FSHR: variants seen among roughly 807,000 people sequenced by gnomAD.
The protein encoded by FSHR is follicle-stimulating hormone receptor.
A neutral mutation model predicts 52.1 loss-of-function variants in FSHR; 46 were observed. The ratio of observed to expected loss-of-function variants is 0.88; its 90% CI spans 0.70 to 1.13. The LOEUF is 1.13. FSHR is among the 50% of genes most tolerant of loss of function. The pLI is 0.00. For missense variants in FSHR, 964 were observed against 834.6 expected, an observed-to-expected ratio of 1.16 and a Z score of -1.91; for synonymous variants, 399 against 309.6, an observed-to-expected ratio of 1.29 and a Z score of -3.03.
At chr2:49,070,145 G>T (rs1410682761) in intron 1 of FSHR, among the ~76,000 whole-genome samples, 2 of 152,068 alleles carry the variant, frequency 1.3e-5, no homozygotes, top group African/African-American at 4.8e-5. Flanking sequence ...AAACAGTTGA[G>T]GGCTATAGTT....
At chr2:49,123,150 A>C (rs1442490582) in intron 1 of FSHR, among the ~76,000 whole-genome samples, 1 of 152,068 alleles carries the variant, frequency 6.6e-6, no homozygotes, top group Non-Finnish European at 1.5e-5. Flanking sequence ...AGGTCTATAA[A>C]CTCTGTTTTA....
intron 1 of FSHR, among the ~76,000 whole-genome samples, chr2:49,140,894 T>G (rs1441342855): frequency 6.6e-6 from 1 of 152,164 alleles, no homozygotes; most frequent in African/African-American, 2.4e-5. Context: ...TTCCTGAGCC[T>G]CCATTAAGTA....
intron 1 of FSHR, among the ~76,000 whole-genome samples, chr2:49,080,893 C>G (rs927640308): frequency 1.3e-5 from 2 of 152,182 alleles, no homozygotes; most frequent in Non-Finnish European, 2.9e-5. Flanking sequence ...TTCCCCTACT[C>G]TAATTACCTA....
Position 49,088,583 on chromosome 2 carries a change from C to T in FSHR, c.153-20293G>A, listed in dbSNP as rs185912279. ...CTGTAGTTTCAGGCAGAATGACAAA[C>T]GCATTGTGCCTCTAAAGCAGTTCTT... is the stretch of plus-strand genomic sequence containing the variant. On this transcript the variant is annotated intron_variant, in intron 1 of 9. Coordinates refer to ENST00000406846, the MANE Select transcript of FSHR (RefSeq NM_000145.4). 3.5e-3 allele frequency among the ~76,000 whole-genome samples: 526 copies of T among 152,290 alleles called. 1 individual carries two copies. Among genetic ancestry groups the T allele is most frequent in the Non-Finnish European group, 5.8e-3 (395 of 68,030 alleles).
rs115961828 is a variant in FSHR, at chr2:48,997,247, G to T, written c.375-6610C>A. 4,861 of 984,116 alleles carry T rather than the reference G, an allele frequency of 4.9e-3. 16 individuals carry two copies. Among genetic ancestry groups the T allele is most frequent in the South Asian group, 0.01 (220 of 21,224 alleles). 61.0% of individuals were successfully genotyped at this position (984,116 alleles called of 1,614,324 possible). ...AGAAATTATGTGAGACAGTAGGAAA[G>T]CCTGGTTTCTTGCCTTTTCGATCTC... On this transcript the variant is annotated intron_variant, in intron 4 of 9. Transcript: ENST00000406846.
At chr2:48,993,301 C>A (rs1352370441) in intron 4 of FSHR, among the ~76,000 whole-genome samples, 1 of 152,168 alleles carries the variant, frequency 6.6e-6, no homozygotes, top group Non-Finnish European at 1.5e-5. Flanking sequence ...ACTTGTTCCC[C>A]CCATTATCAC....
chr2:49,083,466 A>C (rs1310284448), intron 1 of FSHR, among the ~76,000 whole-genome samples: 3 of 149,816 alleles, frequency 2.0e-5, no homozygotes, highest in Admixed American at 1.3e-4. Context: ...CTAACATCAT[A>C]ATGACAGGAT....
intron 2 of FSHR, among the ~76,000 whole-genome samples, chr2:49,030,271 A>AGTGTGTGTGTGTGTGTGTGTGT (rs141079184): frequency 7.1e-6 from 1 of 140,374 alleles, no homozygotes; most frequent in African/African-American, 2.6e-5. Flanking sequence ...AGGAATAGCA[A>AGTGTGTGTGTGTGTGTGTGTGT]GTGTGTGTGT....
At chr2:49,060,833 G>T (rs973764208) in intron 2 of FSHR, among the ~76,000 whole-genome samples, 1 of 152,052 alleles carries the variant, frequency 6.6e-6, no homozygotes, top group African/African-American at 2.4e-5. Flanking sequence ...GCCCAAACTA[G>T]AGCTGTGCTT....
chr2:49,049,094 A>G (rs1019168134), intron 2 of FSHR, among the ~76,000 whole-genome samples: 1 of 152,034 alleles, frequency 6.6e-6, no homozygotes, highest in African/African-American at 2.4e-5. Context: ...AAATCCCCAG[A>G]GCAGAGCCAC....
In FSHR at chr2:49,154,306, T is replaced by C. The variant is rs1673167692; in HGVS notation, c.112A>G (p.Thr38Ala). Residue 38 changes from threonine to alanine, a missense_variant, in exon 1 of 10, where the codon ACA becomes GCA. Coordinates refer to ENST00000406846, the MANE Select transcript of FSHR (RefSeq NM_000145.4). The stretch of plus-strand genomic sequence containing the variant: ...CTCGGGAGGTCAGAAGGAATCTCTG[T>C]CACCTTGCTCTCTTGGCAGAGAAAA... Reference protein sequence around the residue: ...RVFLCQESKVTEIPSDLPRNA... With the variant: ...RVFLCQESKVAEIPSDLPRNA... 2 of 1,613,938 alleles carry C rather than the reference T, an allele frequency of 1.2e-6. No individual in the cohort carries two copies. Among genetic ancestry groups the C allele is most frequent in the Non-Finnish European group, 8.5e-7 (1 of 1,179,908 alleles).
chr2:49,056,652 A>G (rs189430468), intron 2 of FSHR, among the ~76,000 whole-genome samples: 57 of 152,054 alleles, frequency 3.7e-4, no homozygotes, highest in African/African-American at 1.3e-3. Flanking sequence ...AAACTGCACC[A>G]CAGACCAAAC....
At chr2:49,043,928 C>T (rs897477453) in intron 2 of FSHR, among the ~76,000 whole-genome samples, 1 of 152,202 alleles carries the variant, frequency 6.6e-6, no homozygotes, top group South Asian at 2.1e-4. Context: ...CTCCATAAAA[C>T]CTTCTCTTGC....
At chr2:49,141,784 C>T (rs528792052) in intron 1 of FSHR, among the ~76,000 whole-genome samples, 70 of 151,974 alleles carry the variant, frequency 4.6e-4, no homozygotes, top group African/African-American at 1.6e-3. Context: ...AGAGTTTAGA[C>T]TTTACTTTAG....
intron 9 of FSHR, among the ~76,000 whole-genome samples, chr2:48,968,386 A>G (rs1369184632): frequency 6.6e-6 from 1 of 152,224 alleles, no homozygotes; most frequent in African/African-American, 2.4e-5. Flanking sequence ...GGTACAAAGG[A>G]AAGAGGGAAC....
chr2:49,138,558 T>G (rs1672566032), intron 1 of FSHR, among the ~76,000 whole-genome samples: 1 of 152,170 alleles, frequency 6.6e-6, no homozygotes, highest in South Asian at 2.1e-4. Flanking sequence ...ATAATTTGAA[T>G]TAACCTTGAA....
chr2:48,984,902 A>G (rs1383669068), intron 6 of FSHR, among the ~76,000 whole-genome samples: 1 of 152,258 alleles, frequency 6.6e-6, no homozygotes, highest in Non-Finnish European at 1.5e-5. Context: ...ATCTCAATCA[A>G]CAGATACCAT....
chr2:49,108,575 G>A (rs1413923202), intron 1 of FSHR, among the ~76,000 whole-genome samples: 3 of 152,086 alleles, frequency 2.0e-5, no homozygotes, highest in Admixed American at 6.6e-5. Flanking sequence ...CTGAGTTCTC[G>A]ATTGTTTCAC....
At chr2:49,140,884 T>G (rs13010134) in intron 1 of FSHR, among the ~76,000 whole-genome samples, 49,146 of 151,988 alleles carry the variant, frequency 0.32, 8,240 homozygotes, top group East Asian at 0.47. Flanking sequence ...TTTACAGTGA[T>G]TCCTGAGCCT....
Sources: allele counts gnomAD v4.1 joint callset (sites outside exome capture counted in the v4.1 genomes callset), GRCh38; gene constraint gnomAD v4.1.1; transcripts MANE v1.5; gene names NCBI Gene and HGNC (gene_info 2026-07-23, HGNC 2026-07-21).